Variants in ABLIM2 observed in about 807,000 individuals in gnomAD.
ABLIM2 encodes actin binding LIM protein family member 2, also known as actin-binding LIM protein 2.
In ABLIM2, 53 loss-of-function variants were observed where a neutral mutation model predicts 97.7. The observed-to-expected ratio is 0.54, with a 90% confidence interval of 0.44 to 0.68. The LOEUF is 0.68. Ranked by LOEUF, ABLIM2 falls within the 30% of genes least tolerant of loss-of-function variation. ABLIM2 has a pLI of 0.00. For synonymous variants in ABLIM2, 361 were observed against 345.8 expected, an observed-to-expected ratio of 1.04 and a Z score of -0.49; for missense variants, 835 against 867.2, an observed-to-expected ratio of 0.96 and a Z score of 0.47.
intron 7 of ABLIM2, among the ~76,000 whole-genome samples, chr4:8,059,293 T>C (rs561752418): frequency 6.6e-6 from 1 of 152,118 alleles, no homozygotes; most frequent in South Asian, 2.1e-4. Flanking sequence ...ATAAGGGTTA[T>C]TTTGAGTTGA....
rs780925998 is a variant in ABLIM2 at position 8,140,662 on chromosome 4, C to G, written c.10+18018G>C. 2.0e-5 allele frequency among the ~76,000 whole-genome samples: 3 copies of G among 152,134 alleles called. No individual in the cohort carries two copies. The highest frequency in any genetic ancestry group is 7.2e-5 in the African/African-American group (3 of 41,424). On this transcript the variant is annotated intron_variant, in intron 1 of 20. Transcript: ENST00000447017. The surrounding 1 kb of genome is among the most constrained non-coding windows in gnomAD (Gnocchi z 5.9). ...GGAAGCAATGATGATAAAATCGACCCCAGAGAATACACAAGAGGGCAGTGA... is the reference window on the plus strand; with the variant it reads ...GGAAGCAATGATGATAAAATCGACCGCAGAGAATACACAAGAGGGCAGTGA...
At chr4:8,093,803 G>T (rs1005484029) in intron 3 of ABLIM2, among the ~76,000 whole-genome samples, 3 of 152,132 alleles carry the variant, frequency 2.0e-5, no homozygotes, top group African/African-American at 7.2e-5. Flanking sequence ...CTGGTTTTCA[G>T]CAATTTGATT....
intron 11 of ABLIM2, 109 bp downstream of exon 11, chr4:8,029,547 T>G (rs1215446835): frequency 8.0e-7 from 1 of 1,255,492 alleles, no homozygotes; most frequent in Non-Finnish European, 1.0e-6. Context: ...TATTTCCAGT[T>G]GTATAAGAAA....
At chr4:8,090,879 C>G (rs923097713) in intron 3 of ABLIM2, among the ~76,000 whole-genome samples, 1 of 152,092 alleles carries the variant, frequency 6.6e-6, no homozygotes, top group Non-Finnish European at 1.5e-5. Flanking sequence ...TTCCATGCAA[C>G]TGCTGGGGGC....
intron 2 of ABLIM2, among the ~76,000 whole-genome samples, chr4:8,100,542 T>A (rs760919640): frequency 9.2e-5 from 14 of 151,518 alleles, no homozygotes; most frequent in Non-Finnish European, 1.6e-4. Flanking sequence ...AGGTCAGGAG[T>A]TCGAGACTAG....
chr4:7,987,179 G>C (rs114088510), intron 17 of ABLIM2, among the ~76,000 whole-genome samples: 6,019 of 151,768 alleles, frequency 0.04, 230 homozygotes, highest in African/African-American at 0.098. Context: ...AGTCTCCCTT[G>C]GTTGCCCTGG....
In ABLIM2 at chr4:7,989,203, C is replaced by T. The variant is rs73214080; in HGVS notation, c.1680+3663G>A. On this transcript the variant is annotated intron_variant, in intron 17 of 20. Transcript: ENST00000447017. The stretch of plus-strand genomic sequence containing the variant: ...TTCAAGCATTCTTTATTCTTGTGCT[C>T]AAGTAGCTGGGATATTAGGCATGTG... Among the ~76,000 whole-genome samples, 396 of 150,414 alleles carry T rather than the reference C, an allele frequency of 2.6e-3. 1 individual carries two copies. The highest frequency in any genetic ancestry group is 6.9e-3 in the Middle Eastern group (2 of 290).
intron 1 of ABLIM2, among the ~76,000 whole-genome samples, chr4:8,107,649 C>A (rs1184576603): frequency 6.6e-6 from 1 of 152,294 alleles, no homozygotes; most frequent in Admixed American, 6.5e-5. Flanking sequence ...CAGGCACAGG[C>A]GGTGGGCAGG....
intron 1 of ABLIM2, among the ~76,000 whole-genome samples, chr4:8,143,065 G>A (rs540294175): frequency 2.6e-5 from 4 of 151,448 alleles, no homozygotes; most frequent in African/African-American, 4.9e-5. Flanking sequence ...TGGCAATACC[G>A]GCTCTTGTCC....
intron 20 of ABLIM2, among the ~76,000 whole-genome samples, chr4:7,976,822 C>T (rs1033872476): frequency 3.9e-5 from 6 of 152,000 alleles, no homozygotes; most frequent in East Asian, 3.9e-4. Flanking sequence ...CACACATAGA[C>T]GCACATACAC....
At chr4:7,976,699 GCA>G (rs1028827232) in intron 20 of ABLIM2, among the ~76,000 whole-genome samples, 3 of 150,876 alleles carry the variant, frequency 2.0e-5, no homozygotes, top group East Asian at 3.9e-4. Context: ...GCACACACAT[GCA>G]CACACACGTA....
Position 8,130,826 on chromosome 4 carries a change from C to T in ABLIM2, c.11-24189G>A, listed in dbSNP as rs566919275. ...GCTGATGTCAAGGCAGCCCCAAGGC[C>T]GAGCTCCCCGAAGGCTCTAGGGCAG... On this transcript the variant is annotated intron_variant, in intron 1 of 20. Coordinates refer to ENST00000447017, the MANE Select transcript of ABLIM2 (RefSeq NM_001130083.2). The surrounding 1 kb of genome is among the most constrained non-coding windows in gnomAD (Gnocchi z 4.2). 3.5e-4 allele frequency among the ~76,000 whole-genome samples: 53 copies of T among 152,300 alleles called. No homozygotes were observed. In the East Asian group the frequency reaches 3.9e-3, roughly 11 times the overall value.
At chr4:8,077,295 G>A (rs977386646) in intron 6 of ABLIM2, among the ~76,000 whole-genome samples, 4 of 152,182 alleles carry the variant, frequency 2.6e-5, no homozygotes, top group African/African-American at 9.7e-5. Flanking sequence ...ACGAGGTCCT[G>A]GTGTGGGCTC....
At chr4:8,101,363 G>A (rs550870647) in intron 2 of ABLIM2, among the ~76,000 whole-genome samples, 5 of 152,326 alleles carry the variant, frequency 3.3e-5, no homozygotes, top group South Asian at 2.1e-4. Flanking sequence ...TAGGCTGTGC[G>A]GAACAAGGAG....
chr4:8,041,166 C>T (rs1293130186), intron 9 of ABLIM2, among the ~76,000 whole-genome samples: 1 of 152,242 alleles, frequency 6.6e-6, no homozygotes, highest in Non-Finnish European at 1.5e-5. Flanking sequence ...CAAGTGCATG[C>T]CCCACTGGTG....
At chr4:8,051,194 G>A in intron 8 of ABLIM2, among the ~76,000 whole-genome samples, 1 of 152,258 alleles carries the variant, frequency 6.6e-6, no homozygotes, top group East Asian at 1.9e-4. Flanking sequence ...GGACCTGGCT[G>A]TGGCCGCGGA....
At chr4:7,989,484 ATGCTATAAC>A (rs767873878) in intron 17 of ABLIM2, 43 of 964,018 alleles carry the variant, frequency 4.5e-5, no homozygotes, top group Non-Finnish European at 4.2e-5. Flanking sequence ...AAGTTGATGA[ATGCTATAAC>A]TGCTTTATTC....
rs775966915 is a variant in ABLIM2, at chr4:8,077,744, C to T, written c.582-23G>A. On this transcript the variant is annotated intron_variant, in intron 5 of 20. Coordinates refer to ENST00000447017, the MANE Select transcript of ABLIM2 (RefSeq NM_001130083.2). ...TCCCTGCAATGAGACAGGCAGTCAA[C>T]ACAGGGCGGGTGTCGCCCGAGGACC... is the stretch of plus-strand genomic sequence containing the variant. 2.5e-6 allele frequency: 4 copies of T among 1,599,022 alleles called. No homozygotes were observed. The South Asian group carries it at 4.5e-5, about 18-fold the overall frequency.
intron 1 of ABLIM2, among the ~76,000 whole-genome samples, chr4:8,137,984 C>G (rs1027645004): frequency 2.0e-5 from 3 of 152,196 alleles, no homozygotes; most frequent in Admixed American, 2.0e-4. Flanking sequence ...ATTATTCAGC[C>G]TTAAAAAGGA....
Sources: gnomAD v4.1 joint callset for allele counts (sites outside exome capture counted in the v4.1 genomes callset) on GRCh38, gnomAD v4.1.1 for gene constraint, Gnocchi (gnomAD v3.1) non-coding constraint, MANE v1.5 for transcripts, NCBI Gene and HGNC (gene_info 2026-07-23, HGNC 2026-07-21) for gene names.